The following HERC3 variants were observed in gnomAD, a reference collection of about 807,000 sequenced individuals.
HERC3 encodes the protein HECT and RLD domain containing E3 ubiquitin protein ligase 3.
HERC3 carries 58 observed loss-of-function variants against 129.9 expected under a neutral mutation model. That is an observed-to-expected ratio of 0.45 (90% CI 0.36 to 0.56). The LOEUF is 0.56. Ranked by LOEUF, HERC3 falls within the 20% of genes least tolerant of loss-of-function variation. HERC3 has a pLI of 0.00. For synonymous variants in HERC3, 430 were observed against 451.0 expected (o/e 0.95, Z 0.59); for missense variants, 835 against 1,244.2 (o/e 0.67, Z 4.95).
the HERC3 span, among the ~76,000 whole-genome samples, chr4:88,570,908 C>A: frequency 3.9e-4 from 59 of 151,716 alleles, no homozygotes; most frequent in Non-Finnish European, 6.5e-4. Flanking sequence ...CGCCCACCAC[C>A]ACCCCCAGCT....
At chr4:88,653,227 G>A (rs1325442567) in intron 6 of HERC3, 137 bp downstream of exon 6, 10 of 823,534 alleles carry the variant, frequency 1.2e-5, no homozygotes, top group Admixed American at 5.0e-5. Flanking sequence ...GAACATCCTC[G>A]TCTTAGTGGA....
At position 88,669,847 on chromosome 4, in the gene HERC3, T is replaced by C. The variant is rs746496974; in HGVS notation, c.1634-13T>C. 1.7e-5 allele frequency: 28 copies of C among 1,606,096 alleles called. No individual in the cohort carries two copies. The Admixed American group carries it at 4.4e-4, about 25-fold the overall frequency. On this transcript the variant is annotated splice_polypyrimidine_tract_variant and intron_variant, in intron 14 of 25. Transcript: ENST00000402738. ...ATTACATGTTGAAATATGTCTTTTCTTTCTTTCTAAAGATAACTGGTGGTC... is the reference window on the plus strand; with the variant it reads ...ATTACATGTTGAAATATGTCTTTTCCTTCTTTCTAAAGATAACTGGTGGTC...
chr4:88,650,541 G>A (rs1283873347), intron 4 of HERC3, among the ~76,000 whole-genome samples: 4 of 152,146 alleles, frequency 2.6e-5, no homozygotes, highest in Non-Finnish European at 5.9e-5. Flanking sequence ...TCTAATAGTT[G>A]CCACTAAGAG....
At chr4:88,611,043 C>T (rs1191473423) in intron 3 of HERC3, among the ~76,000 whole-genome samples, 2 of 152,158 alleles carry the variant, frequency 1.3e-5, no homozygotes, top group African/African-American at 4.8e-5. Flanking sequence ...GATTCAGCCT[C>T]GGAATCCAGC....
At chr4:88,586,361 CT>C in the HERC3 span, among the ~76,000 whole-genome samples, 124 of 124,986 alleles carry the variant, frequency 9.9e-4, no homozygotes, top group East Asian at 2.7e-3. Flanking sequence ...TTTTTTCTTT[CT>C]TTTTTTTTTT....
intron 3 of HERC3, among the ~76,000 whole-genome samples, chr4:88,606,487 A>G (rs1470166245): frequency 6.6e-6 from 1 of 152,076 alleles, no homozygotes; most frequent in Non-Finnish European, 1.5e-5. Context: ...TAGTTAGTTC[A>G]GAGTTAGAAT....
At chr4:88,621,363 C>A (rs897928008) in intron 3 of HERC3, among the ~76,000 whole-genome samples, 1 of 152,188 alleles carries the variant, frequency 6.6e-6, no homozygotes, top group Non-Finnish European at 1.5e-5. Context: ...CACTTGGCCT[C>A]TCAAAATGCT....
the HERC3 span, among the ~76,000 whole-genome samples, chr4:88,555,219 G>T: frequency 8.0e-5 from 12 of 150,752 alleles, no homozygotes; most frequent in Non-Finnish European, 1.8e-4. Context: ...GGAGGCGGAG[G>T]TTGCAGTGAG....
intron 3 of HERC3, among the ~76,000 whole-genome samples, chr4:88,634,490 C>A (rs1256885838): frequency 6.6e-6 from 1 of 152,128 alleles, no homozygotes; most frequent in Non-Finnish European, 1.5e-5. Flanking sequence ...TCTGATCTCC[C>A]TAGGCCTGAA....
intron 23 of HERC3, chr4:88,689,844 C>G (rs1003539933): frequency 3.9e-6 from 1 of 254,304 alleles, no homozygotes; most frequent in Non-Finnish European, 6.2e-6. Context: ...TCCCAAAGTG[C>G]TGGGATTACA....
chr4:88,594,690 A>G (rs1722149064), intron 1 of HERC3, among the ~76,000 whole-genome samples: 1 of 152,214 alleles, frequency 6.6e-6, no homozygotes, highest in Admixed American at 6.5e-5. Context: ...AGTGCTTGAC[A>G]AAAATATCTT....
At chr4:88,557,627 G>T in the HERC3 span, among the ~76,000 whole-genome samples, 1 of 152,062 alleles carries the variant, frequency 6.6e-6, no homozygotes, top group Non-Finnish European at 1.5e-5. Context: ...ATTATATAAA[G>T]AATAAAGTCC....
Position 88,642,916 on chromosome 4 carries a change from G to T in HERC3, c.227-6924G>T, listed in dbSNP as rs149963386. Among the ~76,000 whole-genome samples, 1,429 of 150,886 alleles carry T rather than the reference G, an allele frequency of 9.5e-3. 21 individuals are homozygous for T. The highest frequency in any genetic ancestry group is 0.032 in the African/African-American group (1,332 of 40,992). ...AATAAGGAAAGAATGGGGGCGGGGG[G>T]TGTGTGGGTGGCAGGGGGAAGCAAA... On this transcript the variant is annotated intron_variant, in intron 3 of 25. Transcript: ENST00000402738.
the HERC3 span, among the ~76,000 whole-genome samples, chr4:88,546,051 T>C: frequency 6.6e-5 from 10 of 152,190 alleles, no homozygotes; most frequent in Non-Finnish European, 1.0e-4. Flanking sequence ...CCCTAAGTCT[T>C]AGTGGCTTAA....
At chr4:88,618,150 A>G (rs1372739251) in intron 3 of HERC3, among the ~76,000 whole-genome samples, 2 of 152,262 alleles carry the variant, frequency 1.3e-5, no homozygotes, top group Non-Finnish European at 2.9e-5. Context: ...TGAACTAATT[A>G]TGGAATGTTT....
At chr4:88,568,535 G>A in the HERC3 span, among the ~76,000 whole-genome samples, 1 of 152,030 alleles carries the variant, frequency 6.6e-6, no homozygotes, top group East Asian at 1.9e-4. Flanking sequence ...TTCTCAAGAA[G>A]AAGGAATCTC....
chr4:88,674,003 A>G (rs1731887232), intron 16 of HERC3, among the ~76,000 whole-genome samples: 1 of 152,068 alleles, frequency 6.6e-6, no homozygotes, highest in Admixed American at 6.6e-5. Flanking sequence ...TGTGGCTCCT[A>G]ACTGAGGCAG....
rs185405831 is a variant in HERC3, at chr4:88,612,863, A to G, written c.226+6814A>G. Among the ~76,000 whole-genome samples the G allele has an allele frequency of 3.9e-5, 6 of 152,246 alleles. No individual in the cohort carries two copies. In the East Asian group the frequency reaches 1.2e-3, roughly 29 times the overall value. Reference sequence around the variant, plus strand: ...TTTTTTCCTGAATGTTATTTTTTATAAGTGACTAAGTGGACATTAAGTAAA... The same window carrying G: ...TTTTTTCCTGAATGTTATTTTTTATGAGTGACTAAGTGGACATTAAGTAAA... On this transcript the variant is annotated intron_variant, in intron 3 of 25. Coordinates refer to ENST00000402738, the MANE Select transcript of HERC3 (RefSeq NM_014606.3).
At chr4:88,552,791 T>C in the HERC3 span, among the ~76,000 whole-genome samples, 3 of 152,186 alleles carry the variant, frequency 2.0e-5, no homozygotes, top group African/African-American at 7.2e-5. Flanking sequence ...CCACCTTTTT[T>C]GTGTGCTTGC....
Sources: allele counts gnomAD v4.1 joint callset (sites outside exome capture counted in the v4.1 genomes callset), GRCh38; gene constraint gnomAD v4.1.1; transcripts MANE v1.5; gene names NCBI Gene and HGNC (gene_info 2026-07-23, HGNC 2026-07-21).